PRIM2: variants seen among roughly 807,000 people sequenced by gnomAD.
PRIM2 encodes the protein DNA primase subunit 2.
PRIM2 carries 39 observed loss-of-function variants against 67.3 expected under a neutral mutation model. The observed-to-expected ratio is 0.58, with a 90% CI of 0.45 to 0.76. The LOEUF (loss-of-function observed/expected upper bound fraction) is 0.76, where lower values mean the gene tolerates loss of function less well. PRIM2 is among the 30% of genes least tolerant of loss of function. The probability of loss-of-function intolerance (pLI) is 0.00; values close to 1 mark genes in which losing one functional copy is unlikely to be tolerated. For missense variants in PRIM2, 398 were observed against 598.7 expected, an observed-to-expected ratio of 0.66 and a Z score of 3.50; for synonymous variants, 143 against 198.7, an observed-to-expected ratio of 0.72 and a Z score of 2.36.
chr6:57,328,559 T>G (rs1422954387), intron 5 of PRIM2, among the ~76,000 whole-genome samples: 2 of 152,234 alleles, frequency 1.3e-5, no homozygotes, highest in African/African-American at 4.8e-5. Context: ...ATTTTACCTG[T>G]TCAGCATTCG....
chr6:57,591,456 C>T, intron 10 of PRIM2, among the ~76,000 whole-genome samples: 1 of 152,214 alleles, frequency 6.6e-6, no homozygotes, highest in East Asian at 1.9e-4. Context: ...TTCATGGGAC[C>T]TACTTCTAAT....
chr6:57,425,785 C>T (rs1331307884), intron 7 of PRIM2, among the ~76,000 whole-genome samples: 4 of 151,976 alleles, frequency 2.6e-5, no homozygotes, highest in Non-Finnish European at 4.4e-5. Flanking sequence ...GTGGAGACAA[C>T]GGTAATCACA....
At chr6:57,426,202 C>T (rs1178735090) in intron 7 of PRIM2, among the ~76,000 whole-genome samples, 4 of 152,130 alleles carry the variant, frequency 2.6e-5, no homozygotes, top group Admixed American at 2.6e-4. Flanking sequence ...GGAACATTCC[C>T]ACCTTCCCAA....
chr6:57,545,234 T>A (rs1388515255), intron 10 of PRIM2, among the ~76,000 whole-genome samples: 1 of 152,100 alleles, frequency 6.6e-6, no homozygotes, highest in African/African-American at 2.4e-5. Flanking sequence ...ATATTACGAT[T>A]CTTATAAAAA....
chr6:57,245,176 A>G, the PRIM2 span, among the ~76,000 whole-genome samples: 1 of 152,140 alleles, frequency 6.6e-6, no homozygotes, highest in Non-Finnish European at 1.5e-5. Flanking sequence ...GGTGCCCAGG[A>G]TGGTCCCAAG....
the PRIM2 span, among the ~76,000 whole-genome samples, chr6:57,288,398 C>T: frequency 3.9e-5 from 6 of 152,158 alleles, no homozygotes; most frequent in Non-Finnish European, 7.3e-5. Context: ...AGACAGCTTC[C>T]GAAGACCTAA....
At chr6:57,245,600 C>T in the PRIM2 span, among the ~76,000 whole-genome samples, 2 of 152,194 alleles carry the variant, frequency 1.3e-5, no homozygotes, top group African/African-American at 4.8e-5. Context: ...TTCTCTTTCT[C>T]CATCTCTTAG....
intron 7 of PRIM2, among the ~76,000 whole-genome samples, chr6:57,503,520 G>A (rs1554347066): frequency 1.6e-4 from 25 of 152,244 alleles, no homozygotes; most frequent in East Asian, 3.9e-4. Flanking sequence ...AGGCCAAGGC[G>A]GGTGGATCAC....
chr6:57,521,572 A>G (rs1554348933), intron 8 of PRIM2, among the ~76,000 whole-genome samples: 2 of 152,032 alleles, frequency 1.3e-5, no homozygotes, highest in Non-Finnish European at 2.9e-5. Context: ...AGGAGATTAC[A>G]GTTCATTTTG....
At chr6:57,450,062 T>G (rs1294850368) in intron 7 of PRIM2, among the ~76,000 whole-genome samples, 1 of 152,180 alleles carries the variant, frequency 6.6e-6, no homozygotes, top group Non-Finnish European at 1.5e-5. Flanking sequence ...GGTGAAAATT[T>G]ATACAATCTT....
At chr6:57,579,462 G>A (rs1776038762) in intron 10 of PRIM2, among the ~76,000 whole-genome samples, 1 of 152,120 alleles carries the variant, frequency 6.6e-6, no homozygotes, top group Admixed American at 6.6e-5. Context: ...TTGGTTGTCT[G>A]TTATGTAGTA....
At chr6:57,308,386 G>A in the PRIM2 span, among the ~76,000 whole-genome samples, 2 of 152,150 alleles carry the variant, frequency 1.3e-5, no homozygotes, top group Admixed American at 1.3e-4. Context: ...GCCTCCCATA[G>A]TGTTGGGATT....
At chr6:57,306,910 G>C in the PRIM2 span, among the ~76,000 whole-genome samples, 1 of 152,174 alleles carries the variant, frequency 6.6e-6, no homozygotes, top group African/African-American at 2.4e-5. Context: ...ACTCAAAATA[G>C]GCTAATTTGG....
chr6:57,499,779 T>G (rs1774092510), intron 7 of PRIM2, among the ~76,000 whole-genome samples: 1 of 152,208 alleles, frequency 6.6e-6, no homozygotes. Flanking sequence ...CTTTTTCTTC[T>G]CTACAGAATG....
chr6:57,577,906 C>G (rs1775992521), intron 10 of PRIM2, among the ~76,000 whole-genome samples: 1 of 152,152 alleles, frequency 6.6e-6, no homozygotes, highest in African/African-American at 2.4e-5. Flanking sequence ...AGACTTTATT[C>G]ACATTTTACC....
At chr6:57,480,583 C>G (rs1773596660) in intron 7 of PRIM2, among the ~76,000 whole-genome samples, 1 of 152,104 alleles carries the variant, frequency 6.6e-6, no homozygotes, top group Non-Finnish European at 1.5e-5. Context: ...AACTCCCCAC[C>G]TCCTATGCTT....
intron 13 of PRIM2, among the ~76,000 whole-genome samples, chr6:57,644,621 G>A (rs1777301708): frequency 6.6e-6 from 1 of 152,130 alleles, no homozygotes; most frequent in Non-Finnish European, 1.5e-5. Context: ...CTATTTCTGG[G>A]TTCACTTCAC....
chr6:57,388,756 C>T (rs12528979), intron 7 of PRIM2, among the ~76,000 whole-genome samples: 11 of 152,044 alleles, frequency 7.2e-5, no homozygotes, highest in East Asian at 1.9e-4. Flanking sequence ...TAGAAGACTC[C>T]GAGAAAAATA....
At chr6:57,247,533 A>G in the PRIM2 span, among the ~76,000 whole-genome samples, 2 of 152,192 alleles carry the variant, frequency 1.3e-5, no homozygotes, top group African/African-American at 4.8e-5. Flanking sequence ...CACTAGGTAA[A>G]TGTCAAAGGC....
Sources: allele counts gnomAD v4.1 joint callset (sites outside exome capture counted in the v4.1 genomes callset), GRCh38; gene constraint gnomAD v4.1.1; transcripts MANE v1.5; gene names NCBI Gene and HGNC (gene_info 2026-07-23, HGNC 2026-07-21).